The following ADGRA3 variants were observed in gnomAD, a reference collection of about 807,000 sequenced individuals.
ADGRA3 encodes adhesion G protein-coupled receptor A3, also known as G-protein coupled receptor 125.
A neutral mutation model predicts 119.8 loss-of-function variants in ADGRA3; 56 were observed. The observed-to-expected ratio is 0.47, with a 90% CI of 0.38 to 0.58. The LOEUF is 0.58. Ranked by LOEUF, ADGRA3 falls within the 20% of genes least tolerant of loss-of-function variation. The pLI is 0.00. For missense variants in ADGRA3, 1,516 were observed against 1,649.0 expected (o/e 0.92, Z 1.40); for synonymous variants, 607 against 623.8 (o/e 0.97, Z 0.40).
intron 15 of ADGRA3, 149 bp from the exon 16 acceptor site, chr4:22,401,703 A>G (rs1577324905): frequency 2.3e-6 from 1 of 436,982 alleles, no homozygotes; most frequent in Non-Finnish European, 4.0e-6. Flanking sequence ...AGACACACAC[A>G]CACATACACA....
chr4:22,423,752 T>C (rs1715809852), intron 11 of ADGRA3, among the ~76,000 whole-genome samples: 1 of 152,196 alleles, frequency 6.6e-6, no homozygotes, highest in African/African-American at 2.4e-5. Context: ...TCTCAAAATA[T>C]CCTTCAGGGC....
intron 16 of ADGRA3, among the ~76,000 whole-genome samples, chr4:22,398,554 T>C (rs1054564707): frequency 2.6e-5 from 4 of 152,194 alleles, no homozygotes; most frequent in Non-Finnish European, 2.9e-5. Flanking sequence ...CCTCTGTTCA[T>C]CACTCCCTTG....
chr4:22,396,231 A>G (rs935525402), intron 16 of ADGRA3, among the ~76,000 whole-genome samples: 6 of 152,192 alleles, frequency 3.9e-5, no homozygotes, highest in Admixed American at 6.5e-5. Context: ...AAAGCACCTA[A>G]GGTCCTACCT....
chr4:22,515,072 A>C (rs1240596405), intron 1 of ADGRA3, among the ~76,000 whole-genome samples: 1 of 152,264 alleles, frequency 6.6e-6, no homozygotes, highest in Non-Finnish European at 1.5e-5. Context: ...TTGGGCTCGC[A>C]CACAGTCCTT....
At chr4:22,390,423 TAATACGTATTATATATATATATAA>T (rs1714089426) in intron 17 of ADGRA3, among the ~76,000 whole-genome samples, 2 of 105,014 alleles carry the variant, frequency 1.9e-5, no homozygotes, top group Non-Finnish European at 3.3e-5. Flanking sequence ...TATATATATA[TAATACGTATTATATATATATATAA>T]AATACGTATT....
chr4:22,454,228 T>G (rs1717165077), intron 4 of ADGRA3, among the ~76,000 whole-genome samples: 1 of 152,122 alleles, frequency 6.6e-6, no homozygotes, highest in Non-Finnish European at 1.5e-5. Flanking sequence ...TTCTTCTACA[T>G]TTATATTCTA....
intron 14 of ADGRA3, among the ~76,000 whole-genome samples, chr4:22,406,476 T>C (rs1475148602): frequency 6.6e-6 from 1 of 152,186 alleles, no homozygotes; most frequent in Admixed American, 6.5e-5. Flanking sequence ...CATTCTGTTA[T>C]TTTTTGTCTT....
At chr4:22,499,157 A>G (rs566242531) in intron 1 of ADGRA3, among the ~76,000 whole-genome samples, 1 of 152,208 alleles carries the variant, frequency 6.6e-6, no homozygotes, top group Non-Finnish European at 1.5e-5. Context: ...TGCTATTATA[A>G]TGCAATATAA....
Position 22,388,790 on chromosome 4 carries a change from T to C in ADGRA3, c.2881A>G (p.Arg961Gly), listed in dbSNP as rs1250855965. 6.2e-7 allele frequency: 1 copy of C among 1,614,110 alleles called. No individual in the cohort carries two copies. Among genetic ancestry groups the C allele is most frequent in the Non-Finnish European group, 8.5e-7 (1 of 1,180,000 alleles). ...ELKEPTEEQQRLAANENGEIN... is the reference protein window; with the variant it reads ...ELKEPTEEQQGLAANENGEIN... The stretch of plus-strand genomic sequence containing the variant: ...TCGCCATTTTCATTGGCTGCCAATC[T>C]CTGTTGCTCCTCCGTGGGCTCCTTA... Residue 961 changes from arginine to glycine, a missense_variant, in exon 19 of 19, where the codon AGA (arginine) becomes GGA (glycine). Arg to Gly is a moderately radical substitution (Grantham distance 125, BLOSUM62 -2). Coordinates refer to ENST00000334304, the MANE Select transcript of ADGRA3 (RefSeq NM_145290.4).
chr4:22,442,927 T>G (rs1255540891), intron 6 of ADGRA3, 64 bp from the exon 7 acceptor site: 2 of 1,218,342 alleles, frequency 1.6e-6, no homozygotes, highest in African/African-American at 3.0e-5. Context: ...AATTAAAAGT[T>G]ACAGAAATTC....
chr4:22,414,192 G>A (rs1715338616), intron 12 of ADGRA3: 1 of 209,828 alleles, frequency 4.8e-6, no homozygotes, highest in South Asian at 1.1e-4. Context: ...AAGCACAAAT[G>A]TAGCATATCA....
chr4:22,498,204 G>A (rs910288998), intron 1 of ADGRA3, among the ~76,000 whole-genome samples: 23 of 151,904 alleles, frequency 1.5e-4, no homozygotes, highest in African/African-American at 5.3e-4. Context: ...CCGAGATCAT[G>A]CCATTGCACT....
intron 3 of ADGRA3, 34 bp from the exon 4 acceptor site, chr4:22,454,971 G>A: frequency 6.8e-7 from 1 of 1,478,416 alleles, no homozygotes; most frequent in Non-Finnish European, 9.5e-7. Context: ...TCTTCAATTA[G>A]TTCTCTTGGT....
chr4:22,493,491 C>G (rs1340159054), intron 1 of ADGRA3, among the ~76,000 whole-genome samples: 1 of 152,090 alleles, frequency 6.6e-6, no homozygotes, highest in Non-Finnish European at 1.5e-5. Context: ...ATGACTGGGT[C>G]TTTGTGGTGC....
At chr4:22,447,073 A>G (rs1398964973) in intron 5 of ADGRA3, among the ~76,000 whole-genome samples, 1 of 152,176 alleles carries the variant, frequency 6.6e-6, no homozygotes, top group South Asian at 2.1e-4. Flanking sequence ...TTAAATTCCT[A>G]AAGTATAAAA....
intron 14 of ADGRA3, among the ~76,000 whole-genome samples, chr4:22,410,440 T>G (rs918149736): frequency 6.6e-6 from 1 of 152,168 alleles, no homozygotes; most frequent in Admixed American, 6.5e-5. Flanking sequence ...ATAACTGGTA[T>G]AGCAGGATGT....
chr4:22,428,349 G>A (rs200352338), intron 10 of ADGRA3, among the ~76,000 whole-genome samples: 75 of 146,362 alleles, frequency 5.1e-4, no homozygotes, highest in Non-Finnish European at 4.4e-4. Context: ...GGTAAAATAA[G>A]AAAAAAAAAA....
intron 2 of ADGRA3, among the ~76,000 whole-genome samples, chr4:22,462,617 C>A (rs797000384): frequency 6.6e-6 from 1 of 152,094 alleles, no homozygotes; most frequent in African/African-American, 2.4e-5. Flanking sequence ...ACTCAGCCTA[C>A]GGTTAGGTTT....
intron 1 of ADGRA3, among the ~76,000 whole-genome samples, chr4:22,503,524 T>C (rs1719124100): frequency 6.6e-6 from 1 of 152,230 alleles, no homozygotes; most frequent in Non-Finnish European, 1.5e-5. Flanking sequence ...TTTCTTTCAA[T>C]TAACTAGAAG....
Sources: gnomAD v4.1 joint callset for allele counts (sites outside exome capture counted in the v4.1 genomes callset) on GRCh38, gnomAD v4.1.1 for gene constraint, MANE v1.5 for transcripts, NCBI Gene and HGNC (gene_info 2026-07-23, HGNC 2026-07-21) for gene names.